Variants in HOGA1 observed in about 807,000 individuals in gnomAD.
HOGA1 encodes 4-hydroxy-2-oxoglutarate aldolase, mitochondrial.
Under a neutral mutation model 34.3 loss-of-function variants are expected in HOGA1, and 30 were observed. The ratio of observed to expected loss-of-function variants is 0.87; its 90% CI spans 0.65 to 1.19. The LOEUF (loss-of-function observed/expected upper bound fraction) is 1.19. Ranked by LOEUF, HOGA1 falls within the 50% of genes most tolerant of loss-of-function variation. HOGA1 has a pLI of 0.00. For synonymous variants in HOGA1, 161 were observed against 174.0 expected (o/e 0.93, Z 0.59); for missense variants, 417 against 436.5 (o/e 0.96, Z 0.40).
rs781649001 is a variant in HOGA1 at position 97,599,125 on chromosome 10, C to T, written c.377C>T (p.Ala126Val). 6 of 1,613,696 alleles carry T rather than the reference C, an allele frequency of 3.7e-6. No individual in the cohort carries two copies. Among genetic ancestry groups the T allele is most frequent in the Non-Finnish European group, 5.1e-6 (6 of 1,180,006 alleles). Reference protein sequence around the residue: ...QATVEMTVSMAQVGADAAMVV... With the variant: ...QATVEMTVSMVQVGADAAMVV... ...ACAGTGGAGATGACCGTCAGCATGG[C>T]CCAGGTCGGGGCTGACGCGGCCATG... The change falls in exon 3 of 7, where the codon GCC becomes GTC. Residue 126 changes from alanine (A) to valine (V), a missense_variant. Coordinates refer to ENST00000370646, the MANE Select transcript of HOGA1 (RefSeq NM_138413.4).
At chr10:97,599,935 G>C in intron 4 of HOGA1, 121 bp downstream of exon 4, 1 of 1,534,060 alleles carries the variant, frequency 6.5e-7, no homozygotes, top group South Asian at 1.1e-5. Context: ...GATTCTCTCT[G>C]TCGTGCGGGC....
intron 6 of HOGA1, 29 bp from the exon 7 acceptor site, chr10:97,611,479 TCA>T (rs1427801882): frequency 1.2e-6 from 2 of 1,613,930 alleles, no homozygotes; most frequent in African/African-American, 2.7e-5. Flanking sequence ...AGCAAATTTC[TCA>T]GTCTCTTCTA....
At position 97,584,471 on chromosome 10, in the gene HOGA1, T is replaced by C; in HGVS notation, c.-233T>C. 1 of 521,784 alleles carries C rather than the reference T, an allele frequency of 1.9e-6. No individual in the cohort carries two copies. Among genetic ancestry groups the C allele is most frequent in the Non-Finnish European group, 3.4e-6 (1 of 296,184 alleles). 32.3% of individuals were successfully genotyped at this position (521,784 alleles called of 1,614,324 possible). On this transcript the variant is annotated 5_prime_UTR_variant, in exon 1 of 7. Transcript: ENST00000370646. The stretch of plus-strand genomic sequence containing the variant: ...GTCCTATATCTGGCCAGAGGGACAC[T>C]GGGTTGTGGCATCTCTCTAGCTGCT...
Position 97,611,545 on chromosome 10 carries a change from A to G in HOGA1, c.870A>G (p.Lys290=). ...TRRFGIPGLK[K]IMDWFGYYGG... is the part of the protein sequence containing the mutation. ...GCTTTGGGATCCCAGGGCTGAAGAA[A>G]ATCATGGACTGGTTTGGCTACTATG... is the stretch of plus-strand genomic sequence containing the variant. Residue 290 remains lysine, a synonymous_variant, in exon 7 of 7, where the codon AAA becomes AAG. Transcript: ENST00000370646. 1.9e-6 allele frequency: 3 copies of G among 1,614,234 alleles called. 1 individual carries two copies. The highest frequency in any genetic ancestry group is 2.2e-5 in the South Asian group (2 of 91,088).
intron 1 of HOGA1, among the ~76,000 whole-genome samples, chr10:97,591,176 G>C (rs1288321882): frequency 1.3e-5 from 2 of 152,150 alleles, no homozygotes; most frequent in Admixed American, 6.5e-5. Flanking sequence ...GAGCAGCCAG[G>C]TATTGGGCTT....
In HOGA1 at chr10:97,600,120, G is replaced by T; in HGVS notation, c.657G>T (p.Val219=). 6.2e-7 allele frequency: 1 copy of T among 1,614,218 alleles called. No homozygotes were observed. The highest frequency in any genetic ancestry group is 8.5e-7 in the Non-Finnish European group (1 of 1,180,036). ...VHKTRKQDFQ[V]LAGSAGFLMA... The stretch of plus-strand genomic sequence containing the variant: ...AGACCAGGAAGCAGGATTTTCAGGT[G>T]TTGGCTGGATCGGCTGGCTTTCTGA... Residue 219 remains valine, a synonymous_variant, in exon 5 of 7, where the codon GTG becomes GTT. Coordinates refer to ENST00000370646, the MANE Select transcript of HOGA1 (RefSeq NM_138413.4).
At chr10:97,589,384 C>T (rs1180495684) in intron 1 of HOGA1, among the ~76,000 whole-genome samples, 1 of 151,842 alleles carries the variant, frequency 6.6e-6, no homozygotes, top group Admixed American at 6.6e-5. Flanking sequence ...CAGCCTGACC[C>T]AGCATACTTT....
intron 1 of HOGA1, among the ~76,000 whole-genome samples, chr10:97,597,459 C>A (rs2041080344): frequency 6.6e-6 from 1 of 151,992 alleles, no homozygotes; most frequent in African/African-American, 2.4e-5. Context: ...GCGGGCTGGG[C>A]ACTGTGGCTC....
In HOGA1 at chr10:97,601,920, G is replaced by C; in HGVS notation, c.764G>C (p.Arg255Pro). The C allele has an allele frequency of 6.2e-7, 1 of 1,613,048 alleles. No individual in the cohort carries two copies. Among genetic ancestry groups the C allele is most frequent in the Non-Finnish European group, 8.5e-7 (1 of 1,179,988 alleles). The change falls in exon 6 of 7, where the codon CGA becomes CCA. Residue 255 changes from arginine to proline, a missense_variant. By Grantham distance (103) the Arg-to-Pro change is moderately radical. Coordinates refer to ENST00000370646, the MANE Select transcript of HOGA1 (RefSeq NM_138413.4). ...VLGAQVCQLE[R>P]LCCTGQWEDA... is the part of the protein sequence containing the mutation. ...GGGGCTCAGGTGTGCCAGCTGGAGC[G>C]ACTGTGCTGCACGGGGCAATGGGAA...
chr10:97,601,323 G>C (rs1448881484), intron 5 of HOGA1, among the ~76,000 whole-genome samples: 1 of 152,192 alleles, frequency 6.6e-6, no homozygotes, highest in Non-Finnish European at 1.5e-5. Flanking sequence ...TGGGCACAAA[G>C]AGGACTAGAG....
At chr10:97,594,737 C>T (rs1162643206) in intron 1 of HOGA1, among the ~76,000 whole-genome samples, 1 of 151,912 alleles carries the variant, frequency 6.6e-6, no homozygotes, top group African/African-American at 2.4e-5. Context: ...ATAGTCCACC[C>T]GTCTTGGCCT....
intron 6 of HOGA1, among the ~76,000 whole-genome samples, chr10:97,608,693 T>C (rs2041174754): frequency 6.6e-6 from 1 of 151,736 alleles, no homozygotes; most frequent in Non-Finnish European, 1.5e-5. Context: ...TAATCCCAGC[T>C]ACTCAGGAGA....
intron 6 of HOGA1, among the ~76,000 whole-genome samples, chr10:97,608,529 G>C (rs571267656): frequency 1.3e-5 from 2 of 152,076 alleles, no homozygotes; most frequent in East Asian, 1.9e-4. Flanking sequence ...TTTTGGCTGG[G>C]CACGGTGGCT....
rs1298916707 is a variant in HOGA1 at position 97,601,904 on chromosome 10, G to A, written c.748G>A (p.Val250Met). The A allele has an allele frequency of 1.9e-6, 3 of 1,612,798 alleles. No individual in the cohort carries two copies. Among genetic ancestry groups the A allele is most frequent in the Middle Eastern group, 2.0e-4 (1 of 4,968 alleles). Residue 250 changes from valine to methionine, a missense_variant, in exon 6 of 7, where the codon GTG becomes ATG. Coordinates refer to ENST00000370646, the MANE Select transcript of HOGA1 (RefSeq NM_138413.4). The part of the protein sequence containing the change: ...CALANVLGAQ[V>M]CQLERLCCTG... The stretch of plus-strand genomic sequence containing the variant: ...CCTGGCCAATGTCCTGGGGGCTCAG[G>A]TGTGCCAGCTGGAGCGACTGTGCTG...
intron 6 of HOGA1, among the ~76,000 whole-genome samples, chr10:97,604,860 T>C (rs2041145015): frequency 6.6e-6 from 1 of 152,122 alleles, no homozygotes; most frequent in Non-Finnish European, 1.5e-5. Context: ...TGCACATCTG[T>C]AATCCCAGCT....
In HOGA1 at chr10:97,593,029, C is replaced by CAAAAAAAAAAAAAAAAAAAAAAAAA. The variant is rs1169191059; in HGVS notation, c.212-5724_212-5723insAAAAAAAAAAAAAAAAAAAAAAAAA. On this transcript the variant is annotated intron_variant, in intron 1 of 6. Transcript: ENST00000370646. ...TGGGCGACAGAGTGAGACTCTGTCT[C>CAAAAAAAAAAAAAAAAAAAAAAAAA]AAAAAAAAAAAAAAAAAAAAAAGAG... Among the ~76,000 whole-genome samples the CAAAAAAAAAAAAAAAAAAAAAAAAA allele has an allele frequency of 8.4e-4, 40 of 47,798 alleles. 3 individuals carry two copies. Among genetic ancestry groups the CAAAAAAAAAAAAAAAAAAAAAAAAA allele is most frequent in the Non-Finnish European group, 1.2e-3 (30 of 24,982 alleles). 31.4% of individuals were successfully genotyped at this position (47,798 alleles called of 152,430 possible).
chr10:97,594,441 G>A (rs776594470), intron 1 of HOGA1, among the ~76,000 whole-genome samples: 3 of 151,930 alleles, frequency 2.0e-5, no homozygotes, highest in Non-Finnish European at 4.4e-5. Flanking sequence ...TGCAACCTCT[G>A]CCTCCTGGGT....
At chr10:97,596,783 T>C (rs1472514714) in intron 1 of HOGA1, among the ~76,000 whole-genome samples, 1 of 151,384 alleles carries the variant, frequency 6.6e-6, no homozygotes, top group East Asian at 1.9e-4. Context: ...CTCTGGAATC[T>C]GACGGTGTAG....
At chr10:97,591,139 C>T (rs1022906414) in intron 1 of HOGA1, among the ~76,000 whole-genome samples, 1 of 152,110 alleles carries the variant, frequency 6.6e-6, no homozygotes, top group Non-Finnish European at 1.5e-5. Flanking sequence ...CTCAACACCC[C>T]CAATCTGATG....
Sources: allele counts gnomAD v4.1 joint callset (sites outside exome capture counted in the v4.1 genomes callset), GRCh38; gene constraint gnomAD v4.1.1; transcripts MANE v1.5; gene names NCBI Gene and HGNC (gene_info 2026-07-23, HGNC 2026-07-21).